FOXN3: variants seen among roughly 807,000 people sequenced by gnomAD.
FOXN3 encodes the protein forkhead box N3, also known as forkhead box protein N3.
In FOXN3, 7 loss-of-function variants were observed where a neutral mutation model predicts 38.4. The observed-to-expected ratio is 0.18, with a 90% CI of 0.10 to 0.34. The LOEUF (loss-of-function observed/expected upper bound fraction) is 0.34. Ranked by LOEUF, FOXN3 falls within the 10% of genes least tolerant of loss-of-function variation. FOXN3 has a pLI of 1.00. For missense variants in FOXN3, 456 were observed against 613.4 expected (o/e 0.74, Z 2.71); for synonymous variants, 230 against 242.2 (o/e 0.95, Z 0.47).
chr14:89,529,266 CATA>C (rs1176869365), intron 1 of FOXN3, among the ~76,000 whole-genome samples: 22 of 152,072 alleles, frequency 1.4e-4, no homozygotes, highest in African/African-American at 4.3e-4. Context: ...AGTTAAAATG[CATA>C]ATATTTTACC....
chr14:89,499,257 C>T (rs1335574999), intron 1 of FOXN3, among the ~76,000 whole-genome samples: 2 of 151,984 alleles, frequency 1.3e-5, no homozygotes, highest in African/African-American at 4.8e-5. Flanking sequence ...ATGCCAGAGG[C>T]TGAGAAACCA....
At chr14:89,492,632 A>T (rs950856461) in intron 1 of FOXN3, among the ~76,000 whole-genome samples, 1 of 152,186 alleles carries the variant, frequency 6.6e-6, no homozygotes, top group Non-Finnish European at 1.5e-5. Flanking sequence ...GGATCGCTAG[A>T]GCCCAAGAGG....
chr14:89,321,253 T>G (rs1018705705), intron 3 of FOXN3, among the ~76,000 whole-genome samples: 1 of 151,810 alleles, frequency 6.6e-6, no homozygotes, highest in African/African-American at 2.4e-5. Context: ...ATTGCGTTAC[T>G]GCCCTCCAGC....
chr14:89,591,106 T>A (rs1460063531), intron 1 of FOXN3, among the ~76,000 whole-genome samples: 1 of 152,240 alleles, frequency 6.6e-6, no homozygotes, highest in African/African-American at 2.4e-5. Flanking sequence ...CTTACTCTTG[T>A]TAATCTGTCT....
intron 5 of FOXN3, among the ~76,000 whole-genome samples, chr14:89,165,749 C>T (rs917374332): frequency 1.2e-4 from 18 of 152,190 alleles, no homozygotes; most frequent in African/African-American, 3.1e-4. Context: ...ATGAAAGTCT[C>T]GTTGTATGGT....
At chr14:89,269,485 G>GTTT (rs56189442) in intron 4 of FOXN3, among the ~76,000 whole-genome samples, 1 of 148,208 alleles carries the variant, frequency 6.7e-6, no homozygotes, top group African/African-American at 2.5e-5. Context: ...GTTTTGTTTT[G>GTTT]TTTTTTTTTT....
chr14:89,285,424 T>A (rs746934892), intron 3 of FOXN3, among the ~76,000 whole-genome samples: 1 of 150,252 alleles, frequency 6.7e-6, no homozygotes, highest in Non-Finnish European at 1.5e-5. Flanking sequence ...GAGGCTAAGG[T>A]AGGAGAATTG....
chr14:89,390,313 CTATATA>C (rs56143578), intron 2 of FOXN3, among the ~76,000 whole-genome samples: 3 of 143,560 alleles, frequency 2.1e-5, no homozygotes, highest in African/African-American at 7.6e-5. Context: ...CTCTCTCTCT[CTATATA>C]TATATAAATA....
intron 1 of FOXN3, among the ~76,000 whole-genome samples, chr14:89,587,063 G>A (rs909555931): frequency 6.6e-6 from 1 of 152,242 alleles, no homozygotes; most frequent in African/African-American, 2.4e-5. Context: ...AGGGTACATT[G>A]GCAGGCTGGA....
intron 1 of FOXN3, among the ~76,000 whole-genome samples, chr14:89,580,537 A>C (rs919471391): frequency 2.6e-5 from 4 of 152,180 alleles, no homozygotes; most frequent in African/African-American, 9.7e-5. Flanking sequence ...AATGTTAGGC[A>C]AAGGATGGAA....
chr14:89,519,417 A>G (rs1894275750), intron 1 of FOXN3, among the ~76,000 whole-genome samples: 1 of 152,168 alleles, frequency 6.6e-6, no homozygotes, highest in Non-Finnish European at 1.5e-5. Context: ...GCTGGCTTCC[A>G]GAACTACTGA....
intron 1 of FOXN3, among the ~76,000 whole-genome samples, chr14:89,493,707 T>C (rs1893625680): frequency 6.6e-6 from 1 of 152,164 alleles, no homozygotes; most frequent in African/African-American, 2.4e-5. Context: ...ATCATTCTGA[T>C]ATAAAAGCAA....
chr14:89,210,902 CA>C (rs2139830976), intron 4 of FOXN3, among the ~76,000 whole-genome samples: 1 of 152,248 alleles, frequency 6.6e-6, no homozygotes, highest in East Asian at 1.9e-4. Context: ...TTTTATTCTC[CA>C]AAGAAACTAT....
chr14:89,516,668 C>T (rs1396837046), intron 1 of FOXN3, among the ~76,000 whole-genome samples: 2 of 149,870 alleles, frequency 1.3e-5, no homozygotes, highest in African/African-American at 4.9e-5. Context: ...CTCAAGCTAT[C>T]CTCTCACCTC....
At position 89,190,399 on chromosome 14, in the gene FOXN3, C is replaced by A. The variant is rs749541932; in HGVS notation, c.746-9593G>T. 3.1e-6 allele frequency: 5 copies of A among 1,613,696 alleles called. No individual in the cohort carries two copies. In the African/African-American group the frequency reaches 6.7e-5, roughly 22 times the overall value. On this transcript the variant is annotated intron_variant, in intron 4 of 5. Transcript: ENST00000557258. ...ATCTACTCACAACCTGCTTGTATCT[C>A]AGGGGGAGTATTCAAAAGCATCATG...
intron 4 of FOXN3, among the ~76,000 whole-genome samples, chr14:89,200,720 G>A (rs908380675): frequency 1.3e-5 from 2 of 152,162 alleles, no homozygotes; most frequent in Non-Finnish European, 2.9e-5. Flanking sequence ...TCACATTCCC[G>A]AATCTGTGAT....
intron 3 of FOXN3, among the ~76,000 whole-genome samples, chr14:89,335,704 T>C (rs1006655661): frequency 3.3e-5 from 5 of 152,216 alleles, no homozygotes; most frequent in East Asian, 3.8e-4. Context: ...ATTTCACAAA[T>C]ATTTACTGTG....
intron 1 of FOXN3, among the ~76,000 whole-genome samples, chr14:89,536,732 C>T (rs1364650413): frequency 1.3e-5 from 2 of 151,814 alleles, no homozygotes; most frequent in Non-Finnish European, 2.9e-5. Context: ...GAGCCGAGAT[C>T]GGGCCTCTGC....
At chr14:89,421,204 C>T (rs1891899034), upstream of FOXN3, among the ~76,000 whole-genome samples, 1 of 138,960 alleles carries the variant, frequency 7.2e-6, no homozygotes, top group South Asian at 2.2e-4. Context: ...GGCTGGAGTG[C>T]AATGGCACAA....
Sources: allele counts gnomAD v4.1 joint callset (sites outside exome capture counted in the v4.1 genomes callset), GRCh38; gene constraint gnomAD v4.1.1; transcripts MANE v1.5; gene names NCBI Gene and HGNC (gene_info 2026-07-23, HGNC 2026-07-21).